Variants in ARG2 observed in about 807,000 individuals in gnomAD.
The protein encoded by ARG2 is arginase-2, mitochondrial.
Under a neutral mutation model 39.4 loss-of-function variants are expected in ARG2, and 21 were observed. The observed-to-expected ratio is 0.53, with a 90% CI of 0.38 to 0.77. ARG2 has a LOEUF of 0.77. ARG2 is among the 30% of genes least tolerant of loss of function. The pLI is 0.00. For missense variants in ARG2, 378 were observed against 426.2 expected (o/e 0.89, Z 1.00); for synonymous variants, 150 against 156.7 (o/e 0.96, Z 0.32).
intron 3 of ARG2, among the ~76,000 whole-genome samples, chr14:67,643,281 C>T (rs2037056725): frequency 6.6e-6 from 1 of 152,124 alleles, no homozygotes; most frequent in South Asian, 2.1e-4. Context: ...AATAAATATA[C>T]ATGGAATAAA....
chr14:67,623,883 C>T (rs10143874), intron 2 of ARG2, among the ~76,000 whole-genome samples: 7 of 152,242 alleles, frequency 4.6e-5, no homozygotes, highest in African/African-American at 1.4e-4. Flanking sequence ...CTCTGTCACT[C>T]AGGCTGGAGT....
At chr14:67,649,748 T>C (rs1594831630) in intron 7 of ARG2, 2 of 152,220 alleles carry the variant, frequency 1.3e-5, no homozygotes, top group African/African-American at 2.4e-5. Context: ...TCATGTACTA[T>C]AGTGTAATAT....
At position 67,619,955 on chromosome 14, in the gene ARG2, G is replaced by A; in HGVS notation, c.-23G>A. On this transcript the variant is annotated 5_prime_UTR_variant, in exon 1 of 8. Coordinates refer to ENST00000261783, the MANE Select transcript of ARG2 (RefSeq NM_001172.4). ...TCCAACCGCGCGGAGCCTCTGCCTT[G>A]GAGATTCTCAGTGCTGCGGATCATG... 6.5e-7 allele frequency: 1 copy of A among 1,527,342 alleles called. No homozygotes were observed. The highest frequency in any genetic ancestry group is 8.9e-7 in the Non-Finnish European group (1 of 1,125,944). The allele number at this position is 1,527,342 out of a possible 1,614,324, so 94.6% of individuals were successfully genotyped here. A position where few individuals can be genotyped will look rare whatever the true frequency, so the allele number is the denominator to read the frequency against.
intron 2 of ARG2, among the ~76,000 whole-genome samples, chr14:67,638,963 G>A (rs543878909): frequency 3.3e-5 from 5 of 152,220 alleles, no homozygotes; most frequent in Admixed American, 6.5e-5. Flanking sequence ...AGATGGCATC[G>A]GAGTAAATGG....
intron 2 of ARG2, among the ~76,000 whole-genome samples, chr14:67,629,144 G>A (rs1477161556): frequency 2.0e-5 from 3 of 152,116 alleles, no homozygotes; most frequent in African/African-American, 7.2e-5. Flanking sequence ...GACCAGCCTG[G>A]GCAACTTAGC....
intron 3 of ARG2, 119 bp downstream of exon 3, chr14:67,642,482 G>C: frequency 5.0e-6 from 6 of 1,193,870 alleles, no homozygotes; most frequent in Non-Finnish European, 7.0e-6. Context: ...TTTTAGGGTA[G>C]ATATTAAAAT....
Position 67,645,616 on chromosome 14 carries a change from C to T in ARG2, c.363-27C>T, listed in dbSNP as rs761978033. 1.7e-5 allele frequency: 27 copies of T among 1,603,954 alleles called. No homozygotes were observed. In the African/African-American group the frequency reaches 3.2e-4, roughly 19 times the overall value. ...CGGTCATGTTTGCCAAGCAGAGGGCCTTCAAGATTATACTTGTTCTTTGCA... is the reference window on the plus strand; with the variant it reads ...CGGTCATGTTTGCCAAGCAGAGGGCTTTCAAGATTATACTTGTTCTTTGCA... On this transcript the variant is annotated intron_variant, in intron 3 of 7. Transcript: ENST00000261783.
chr14:67,639,244 T>C (rs780306671), intron 2 of ARG2, among the ~76,000 whole-genome samples: 16 of 152,214 alleles, frequency 1.1e-4, no homozygotes, highest in Non-Finnish European at 2.1e-4. Context: ...TGAGTCTACA[T>C]CCTGGTTTGC....
intron 7 of ARG2, 69 bp from the exon 8 acceptor site, chr14:67,650,646 C>A: frequency 1.4e-6 from 2 of 1,432,760 alleles, no homozygotes; most frequent in Non-Finnish European, 2.0e-6. Context: ...CTCCCTGTCC[C>A]AGTGGGATGA....
intron 2 of ARG2, among the ~76,000 whole-genome samples, chr14:67,623,597 A>G (rs928934248): frequency 7.7e-6 from 1 of 130,626 alleles, no homozygotes; most frequent in Non-Finnish European, 1.5e-5. Context: ...GCTGGAGTAC[A>G]GTGATGCGAT....
intron 6 of ARG2, chr14:67,647,248 A>G (rs980474730): frequency 2.3e-6 from 1 of 435,286 alleles, no homozygotes; most frequent in Non-Finnish European, 4.1e-6. Context: ...CTGTCTCATG[A>G]ATTTTTCTTT....
chr14:67,648,237 G>C, intron 7 of ARG2, 54 bp downstream of exon 7: 1 of 1,550,066 alleles, frequency 6.5e-7, no homozygotes, highest in East Asian at 2.3e-5. Flanking sequence ...ATATGCTAGA[G>C]TCTCTTGCCT....
At chr14:67,647,142 T>G (rs1250210702) in intron 6 of ARG2, 117 bp downstream of exon 6, 1 of 712,318 alleles carries the variant, frequency 1.4e-6, no homozygotes, top group East Asian at 2.7e-5. Context: ...ACACATAATT[T>G]TAAATAGTTC....
rs1056192007 is a variant in ARG2, at chr14:67,624,846, A to G, written c.184+3880A>G. 2.6e-5 allele frequency among the ~76,000 whole-genome samples: 4 copies of G among 152,316 alleles called. No individual in the cohort carries two copies. In the South Asian group the frequency reaches 8.3e-4, roughly 32 times the overall value. ...AGCATTTATTCAAGAAAAACATTGA[A>G]TCTCAGTAAGAACATTAAGAATTGT... On this transcript the variant is annotated intron_variant, in intron 2 of 7. Transcript: ENST00000261783.
intron 2 of ARG2, among the ~76,000 whole-genome samples, chr14:67,622,855 C>G (rs752008864): frequency 1.2e-4 from 19 of 152,196 alleles, no homozygotes; most frequent in African/African-American, 3.1e-4. Context: ...ACCTCTATAA[C>G]AATCAGCTGA....
At chr14:67,639,270 T>C (rs2037005157) in intron 2 of ARG2, among the ~76,000 whole-genome samples, 2 of 152,208 alleles carry the variant, frequency 1.3e-5, no homozygotes, top group Admixed American at 1.3e-4. Context: ...TGGACTTGGG[T>C]AGTCCCAAAG....
intron 4 of ARG2, 88 bp downstream of exon 4, chr14:67,645,890 T>C: frequency 2.0e-6 from 3 of 1,472,964 alleles, no homozygotes; most frequent in South Asian, 1.3e-5. Context: ...TGGTGAAGGG[T>C]GGGTTGAGTG....
At chr14:67,640,980 A>G (rs1219663240) in intron 2 of ARG2, among the ~76,000 whole-genome samples, 1 of 152,170 alleles carries the variant, frequency 6.6e-6, no homozygotes, top group African/African-American at 2.4e-5. Context: ...AACACACTGT[A>G]TTAATGGTAT....
At chr14:67,642,788 A>C (rs1460026057) in intron 3 of ARG2, among the ~76,000 whole-genome samples, 6 of 33,732 alleles carry the variant, frequency 1.8e-4, no homozygotes, top group Non-Finnish European at 4.0e-4. Flanking sequence ...ATGTTACTAC[A>C]TTTTCTTTTT....
Sources: gnomAD v4.1 joint callset for allele counts (sites outside exome capture counted in the v4.1 genomes callset) on GRCh38, gnomAD v4.1.1 for gene constraint, MANE v1.5 for transcripts, NCBI Gene and HGNC (gene_info 2026-07-23, HGNC 2026-07-21) for gene names.